WTAP: variants seen among roughly 807,000 people sequenced by gnomAD.
WTAP encodes WT1 associated protein, also known as pre-mRNA-splicing regulator WTAP.
A neutral mutation model predicts 50.0 loss-of-function variants in WTAP; 8 were observed. That is an observed-to-expected ratio of 0.16 (90% CI 0.09 to 0.29). WTAP has a LOEUF of 0.29. Ranked by LOEUF, WTAP falls within the 10% of genes least tolerant of loss-of-function variation. The pLI is 1.00. For synonymous variants in WTAP, 194 were observed against 169.0 expected, an observed-to-expected ratio of 1.15 and a Z score of -1.15; for missense variants, 295 against 470.7, an observed-to-expected ratio of 0.63 and a Z score of 3.45.
chr6:159,749,383 A>G, intron 6 of WTAP: 2 of 982,580 alleles, frequency 2.0e-6, no homozygotes, highest in African/African-American at 1.8e-5. Context: ...GGCCTTTTGT[A>G]TTGCACTCTT....
chr6:159,733,464 T>C (rs966288534), intron 1 of WTAP, among the ~76,000 whole-genome samples: 1 of 58,990 alleles, frequency 1.7e-5, no homozygotes, highest in Non-Finnish European at 3.9e-5. Flanking sequence ...CAAAAAAAAT[T>C]ACAAAAAATT....
intron 2 of WTAP, 21 bp downstream of exon 2, chr6:159,736,316 T>A: frequency 1.9e-6 from 3 of 1,596,978 alleles, no homozygotes; most frequent in Non-Finnish European, 2.6e-6. Context: ...TGGTTTTGGG[T>A]TTTTTTGTTT....
Position 159,755,763 on chromosome 6 carries a change from T to TAA in WTAP, c.*152_*153insAA. On this transcript the variant is annotated 3_prime_UTR_variant, in exon 8 of 8. Transcript: ENST00000621533. The stretch of plus-strand genomic sequence containing the variant: ...TTTTTTTCTTTGTTTTTTTTTTCTT[T>TAA]TCTTTTTTTTTTTTTTTTTTTTTTT... 3.7e-6 allele frequency: 3 copies of TAA among 800,576 alleles called. No individual in the cohort carries two copies. Among genetic ancestry groups the TAA allele is most frequent in the Non-Finnish European group, 4.8e-6 (3 of 629,134 alleles). The allele number at this position is 800,576 out of a possible 1,614,324, so 49.6% of individuals were successfully genotyped here.
intron 2 of WTAP, 112 bp downstream of exon 2, chr6:159,736,407 T>C: frequency 1.1e-6 from 1 of 874,720 alleles, no homozygotes; most frequent in Non-Finnish European, 1.8e-6. Context: ...TGCTTATTTT[T>C]CATTTCTTTG....
At chr6:159,750,763 C>G (rs1000196404) in intron 6 of WTAP, among the ~76,000 whole-genome samples, 1 of 151,888 alleles carries the variant, frequency 6.6e-6, no homozygotes, top group African/African-American at 2.4e-5. Context: ...GGATTTTTTT[C>G]TATAAAATTG....
intron 5 of WTAP, among the ~76,000 whole-genome samples, chr6:159,744,840 C>A (rs937492926): frequency 8.5e-5 from 13 of 152,154 alleles, no homozygotes; most frequent in African/African-American, 3.1e-4. Context: ...CCACCAAGCG[C>A]AGCTAATTTC....
intron 6 of WTAP, among the ~76,000 whole-genome samples, chr6:159,750,780 A>G (rs1221904776): frequency 6.6e-6 from 1 of 152,280 alleles, no homozygotes; most frequent in African/African-American, 2.4e-5. Context: ...ATTGGCTGTA[A>G]GCCAGAGTAT....
intron 1 of WTAP, among the ~76,000 whole-genome samples, chr6:159,728,132 G>A (rs1778328536): frequency 6.6e-6 from 1 of 152,236 alleles, no homozygotes. Context: ...TTCATGTCAC[G>A]CAGTAGGATG....
intron 1 of WTAP, among the ~76,000 whole-genome samples, chr6:159,728,212 T>C (rs1458308143): frequency 6.6e-6 from 1 of 152,260 alleles, no homozygotes; most frequent in Admixed American, 6.5e-5. Context: ...AACTGAATTA[T>C]TGCAGATTTT....
intron 6 of WTAP, among the ~76,000 whole-genome samples, chr6:159,752,649 C>A (rs1167942423): frequency 6.6e-6 from 1 of 151,458 alleles, no homozygotes; most frequent in African/African-American, 2.4e-5. Context: ...CCAATAAAGT[C>A]TTAAGTCTTT....
rs1373576836 is a variant in WTAP, at chr6:159,737,638, G to A, written c.30+1343G>A. 3.3e-5 allele frequency among the ~76,000 whole-genome samples: 5 copies of A among 151,964 alleles called. No homozygotes were observed. In the Middle Eastern group the frequency reaches 0.01, roughly 312 times the overall value. On this transcript the variant is annotated intron_variant, in intron 2 of 7. Transcript: ENST00000621533. Reference sequence around the variant, plus strand: ...CCCCAAAGTAGCTCAGACTACAGGTGTGCCACTACGCCTGGCTAATTTTTG... The same window carrying A: ...CCCCAAAGTAGCTCAGACTACAGGTATGCCACTACGCCTGGCTAATTTTTG...
At position 159,755,413 on chromosome 6, in the gene WTAP, A is replaced by C; in HGVS notation, c.993A>C (p.Gln331His). 6.2e-7 allele frequency: 1 copy of C among 1,614,174 alleles called. No homozygotes were observed. ...GAGGAGGTAGTGGTTACGTAAATCA[A>C]CTCAGTGCGGGGTATGAAAGTGTAG... ...TGRGGSGYVN[Q>H]LSAGYESVDS... Residue 331 changes from glutamine to histidine, a missense_variant, in exon 8 of 8, where the codon CAA (glutamine) becomes CAC (histidine). Physicochemically the swap from Gln to His is conservative, Grantham distance 24 (BLOSUM62 0). Transcript: ENST00000621533.
At chr6:159,746,974 G>A (rs1779613468) in intron 5 of WTAP, among the ~76,000 whole-genome samples, 1 of 152,122 alleles carries the variant, frequency 6.6e-6, no homozygotes, top group Admixed American at 6.5e-5. Flanking sequence ...TGTAAGTCAT[G>A]GTTTATTCTC....
intron 1 of WTAP, among the ~76,000 whole-genome samples, chr6:159,729,753 G>C (rs544719022): frequency 1.3e-5 from 2 of 152,298 alleles, no homozygotes; most frequent in African/African-American, 4.8e-5. Context: ...TCAGTACCTT[G>C]CTACTACAGT....
upstream of WTAP, chr6:159,727,374 TGGCGGGAGGCGGGAGGCGGGA>T (rs71033554): frequency 9.7e-7 from 1 of 1,032,506 alleles, no homozygotes; most frequent in Non-Finnish European, 1.2e-6. Flanking sequence ...GCGGGGAGGC[TGGCGGGAGGCGGGAGGCGGGA>T]GGCGGGAGGC....
intron 6 of WTAP, among the ~76,000 whole-genome samples, chr6:159,752,442 T>C (rs549101117): frequency 6.6e-6 from 1 of 152,328 alleles, no homozygotes; most frequent in South Asian, 2.1e-4. Flanking sequence ...TAAAATTTTA[T>C]TGGGAAACAT....
chr6:159,740,690 TTTTTTTC>T (rs1779199366), intron 3 of WTAP, among the ~76,000 whole-genome samples: 1 of 151,662 alleles, frequency 6.6e-6, no homozygotes, highest in Non-Finnish European at 1.5e-5. Flanking sequence ...GAAGGTTTTT[TTTTTTTC>T]TTTTTTCTTT....
chr6:159,748,242 A>C lies in WTAP; in HGVS notation c.325A>C (p.Arg109=). 4 of 1,614,104 alleles carry C rather than the reference A, an allele frequency of 2.5e-6. No individual in the cohort carries two copies. Among genetic ancestry groups the C allele is most frequent in the Non-Finnish European group, 3.4e-6 (4 of 1,179,994 alleles). Residue 109 remains arginine, a synonymous_variant, in exon 6 of 8, where the codon AGA becomes CGA. Coordinates refer to ENST00000621533, the MANE Select transcript of WTAP (RefSeq NM_001270531.2). This position sits in a 1 kb window ranked among gnomAD's most constrained non-coding sequence, Gnocchi z 5.6. ...CCAGCAGCCGAGCGTTGCCCAACTG[A>C]GATCAACAATGGTAGACCCAGCGAT... is the stretch of plus-strand genomic sequence containing the variant. ...QVQQPSVAQL[R]STMVDPAINL... is the part of the protein sequence containing the mutation.
In WTAP at chr6:159,748,950, A is replaced by G; in HGVS notation, c.452+581A>G. ...CTCAAATGAGGTGAATTTTGCCTTT[A>G]AAGGGTTTATTTGCTGAGAACCAAC... On this transcript the variant is annotated intron_variant, in intron 6 of 7. Transcript: ENST00000621533. The surrounding 1 kb of genome is among the most constrained non-coding windows in gnomAD (Gnocchi z 5.6). The G allele has an allele frequency of 5.5e-6, 6 of 1,100,622 alleles. No homozygotes were observed. Among genetic ancestry groups the G allele is most frequent in the Non-Finnish European group, 6.6e-6 (6 of 904,876 alleles). The allele number at this position is 1,100,622 out of a possible 1,614,324, so 68.2% of individuals were successfully genotyped here. A position where few individuals can be genotyped will look rare whatever the true frequency, so the allele number is the denominator to read the frequency against.
Sources: gnomAD v4.1 joint callset for allele counts (sites outside exome capture counted in the v4.1 genomes callset) on GRCh38, gnomAD v4.1.1 for gene constraint, Gnocchi (gnomAD v3.1) non-coding constraint, MANE v1.5 for transcripts, NCBI Gene and HGNC (gene_info 2026-07-23, HGNC 2026-07-21) for gene names.